The following PLAC1 variants were observed in gnomAD, a reference collection of about 807,000 sequenced individuals.
PLAC1 encodes the protein placenta-specific protein 1.
For missense variants in PLAC1, 136 were observed against 163.2 expected, an observed-to-expected ratio of 0.83 and a Z score of 0.91; for synonymous variants, 68 against 62.1, an observed-to-expected ratio of 1.09 and a Z score of -0.44.
intron 2 of PLAC1, among the ~76,000 whole-genome samples, chrX:134,574,820 G>T (rs779321019): frequency 9.0e-6 from 1 of 111,616 alleles, no homozygotes; most frequent in Non-Finnish European, 1.9e-5. Flanking sequence ...TCAGGTTCAC[G>T]AGGTACTGAA....
At chrX:134,591,303 T>C (rs954234673) in intron 2 of PLAC1, among the ~76,000 whole-genome samples, 2 of 112,340 alleles carry the variant, frequency 1.8e-5, no homozygotes, top group African/African-American at 3.2e-5. Flanking sequence ...TTAAGAAACA[T>C]TGCCTCAGAG....
At chrX:134,635,272 G>C (rs1488221191) in intron 1 of PLAC1, among the ~76,000 whole-genome samples, 1 of 111,792 alleles carries the variant, frequency 8.9e-6, no homozygotes. Context: ...AAGGATGAAG[G>C]ATATTCAGAA....
chrX:134,592,469 T>C (rs1040094807), intron 2 of PLAC1, among the ~76,000 whole-genome samples: 1 of 111,155 alleles, frequency 9.0e-6, no homozygotes, highest in Admixed American at 9.6e-5. Flanking sequence ...TTGAGTAAAG[T>C]AGATTACCTT....
At chrX:134,592,720 C>CTT (rs141372595) in intron 2 of PLAC1, among the ~76,000 whole-genome samples, 727 of 61,405 alleles carry the variant, frequency 0.012, 25 homozygotes, top group African/African-American at 0.038. Context: ...CTCTGTGTCT[C>CTT]TTTTTTTTTT....
At chrX:134,669,416 A>T (rs2078447577) in intron 2 of PLAC1, among the ~76,000 whole-genome samples, 1 of 112,364 alleles carries the variant, frequency 8.9e-6, no homozygotes, top group Non-Finnish European at 1.9e-5. Context: ...ACTGATGTTA[A>T]TATGTGTAAA....
chrX:134,639,133 AT>A (rs2078296572), intron 1 of PLAC1, among the ~76,000 whole-genome samples: 1 of 111,543 alleles, frequency 9.0e-6, no homozygotes, highest in Admixed American at 9.6e-5. Flanking sequence ...ATTTCCTAGC[AT>A]CCCCCAGGTA....
chrX:134,724,633 ATGAG>A (rs1229689007), intron 2 of PLAC1, among the ~76,000 whole-genome samples: 15 of 112,896 alleles, frequency 1.3e-4, no homozygotes, highest in African/African-American at 4.5e-4. Context: ...CACCACCACA[ATGAG>A]TATGTTGGGC....
At chrX:134,753,317 A>G (rs2078748982) in intron 1 of PLAC1, among the ~76,000 whole-genome samples, 1 of 111,677 alleles carries the variant, frequency 9.0e-6, no homozygotes, top group African/African-American at 3.2e-5. Context: ...ATCGACATTG[A>G]CTTTTCATGT....
At position 134,665,071 on chromosome X, in the gene PLAC1, A is replaced by AGTGTGT. The variant is rs59815179; in HGVS notation, n.175-62955_175-62950dup. Among the ~76,000 whole-genome samples the AGTGTGT allele has an allele frequency of 3.4e-3, 350 of 103,845 alleles. 3 individuals carry two copies. The highest frequency in any genetic ancestry group is 0.012 in the African/African-American group (341 of 28,427). 90.2% of individuals were successfully genotyped at this position (103,845 alleles called of 115,157 possible). A position where few individuals can be genotyped will look rare whatever the true frequency, so the allele number is the denominator to read the frequency against. ...TTAATTGCAAGCTTTGTGATTTTGG[A>AGTGTGT]GTGTGTGTGTGTGTGTGTGTGTGTA... On this transcript the variant is annotated intron_variant and non_coding_transcript_variant, in intron 2 of 2. Coordinates refer to the PLAC1 transcript ENST00000466797.
chrX:134,692,469 C>A (rs1479258550), intron 2 of PLAC1, among the ~76,000 whole-genome samples: 1 of 111,978 alleles, frequency 8.9e-6, no homozygotes, highest in Non-Finnish European at 1.9e-5. Context: ...AGCCAGCCAG[C>A]CAGCCTTTGT....
intron 1 of PLAC1, among the ~76,000 whole-genome samples, chrX:134,641,732 C>T (rs1602866881): frequency 8.9e-6 from 1 of 112,161 alleles, no homozygotes. Flanking sequence ...TCTTTCAGTT[C>T]GTTCTGTGTT....
chrX:134,645,944 G>A (rs1281898773), intron 1 of PLAC1, among the ~76,000 whole-genome samples: 2 of 111,639 alleles, frequency 1.8e-5, no homozygotes, highest in East Asian at 5.6e-4. Flanking sequence ...TTTACATACG[G>A]TTGGACCAGG....
chrX:134,628,065 A>G (rs1328631268), intron 1 of PLAC1, among the ~76,000 whole-genome samples: 1 of 112,252 alleles, frequency 8.9e-6, no homozygotes, highest in Non-Finnish European at 1.9e-5. Context: ...TAAAAGGAGG[A>G]AATAAGAAAA....
At chrX:134,634,875 G>T (rs2078276734) in intron 1 of PLAC1, among the ~76,000 whole-genome samples, 1 of 112,000 alleles carries the variant, frequency 8.9e-6, no homozygotes, top group Admixed American at 9.5e-5. Flanking sequence ...CTTCTCTCGG[G>T]TATATGTGTA....
chrX:134,579,998 C>T (rs1231322006), intron 2 of PLAC1, among the ~76,000 whole-genome samples: 4 of 112,044 alleles, frequency 3.6e-5, no homozygotes, highest in African/African-American at 9.7e-5. Context: ...TTTAATTTCC[C>T]ACGTGGCTAC....
At chrX:134,747,678 G>A (rs916358373) in intron 1 of PLAC1, among the ~76,000 whole-genome samples, 1 of 111,464 alleles carries the variant, frequency 9.0e-6, no homozygotes, top group African/African-American at 3.3e-5. Flanking sequence ...GCAGATGCAC[G>A]GAGAACATCA....
chrX:134,731,481 A>G (rs980194345), intron 2 of PLAC1, among the ~76,000 whole-genome samples: 12 of 112,607 alleles, frequency 1.1e-4, no homozygotes, highest in African/African-American at 3.9e-4. Context: ...AGTCCATTCA[A>G]GCATTAGCAA....
At chrX:134,582,730 T>C (rs1431066937) in intron 2 of PLAC1, among the ~76,000 whole-genome samples, 1 of 111,362 alleles carries the variant, frequency 9.0e-6, no homozygotes, top group Non-Finnish European at 1.9e-5. Context: ...AAAGGCAAGG[T>C]TATGGAGAAG....
chrX:134,589,748 G>C (rs1433263404), intron 2 of PLAC1, among the ~76,000 whole-genome samples: 1 of 104,708 alleles, frequency 9.6e-6, no homozygotes, highest in Non-Finnish European at 2.0e-5. Context: ...AAAAAATACA[G>C]TGGACCCCCA....
Sources: allele counts gnomAD v4.1 joint callset (sites outside exome capture counted in the v4.1 genomes callset), GRCh38; gene constraint gnomAD v4.1.1; transcripts MANE v1.5; gene names NCBI Gene and HGNC (gene_info 2026-07-23, HGNC 2026-07-21).